The following GPR174 variants were observed in gnomAD, a reference collection of about 807,000 sequenced individuals.
The protein encoded by GPR174 is probable G protein-coupled receptor 174.
GPR174 carries 8 observed loss-of-function variants against 16.5 expected under a neutral mutation model. The ratio of observed to expected loss-of-function variants is 0.48; its 90% CI spans 0.28 to 0.87. The LOEUF (loss-of-function observed/expected upper bound fraction) is 0.87. Ranked by LOEUF, GPR174 falls within the 40% of genes least tolerant of loss-of-function variation. The pLI, the probability that GPR174 is intolerant of heterozygous loss-of-function variation, is 0.09. For missense variants in GPR174, 214 were observed against 247.5 expected (o/e 0.86, Z 0.91); for synonymous variants, 111 against 94.8 (o/e 1.17, Z -0.99).
chrX:79,149,322 A>G (rs370237157), intron 1 of GPR174, among the ~76,000 whole-genome samples: 46 of 109,569 alleles, frequency 4.2e-4, no homozygotes, highest in African/African-American at 1.5e-3. Flanking sequence ...TTTCCCCTTT[A>G]TTTTTATACC....
intron 1 of GPR174, among the ~76,000 whole-genome samples, chrX:79,153,375 G>A (rs1921024353): frequency 8.9e-6 from 1 of 111,752 alleles, no homozygotes; most frequent in South Asian, 3.7e-4. Context: ...TTTTGTCCTA[G>A]CTTGATAGTT....
At chrX:79,157,684 G>T (rs1411036927) in intron 2 of GPR174, among the ~76,000 whole-genome samples, 2 of 111,587 alleles carry the variant, frequency 1.8e-5, no homozygotes, top group Admixed American at 9.5e-5. Context: ...TTTATTGATT[G>T]GTAAGTATCA....
chrX:79,174,020 A>G lies in GPR174; in HGVS notation c.*2011A>G, dbSNP rs1921580490. 1 of 111,721 alleles carries G rather than the reference A, an allele frequency of 9.0e-6. No individual in the cohort carries two copies. The highest frequency in any genetic ancestry group is 3.3e-5 in the African/African-American group (1 of 30,695). The allele number at this position is 111,721 out of a possible 1,213,427, so 9.2% of individuals were successfully genotyped here. On this transcript the variant is annotated 3_prime_UTR_variant, in exon 3 of 3. Transcript: ENST00000645147. ...TATTTTCTAGATTAGCATGAATTAC[A>G]CTTCCTAAGGTCACTTTGGAAGATG...
intron 1 of GPR174, among the ~76,000 whole-genome samples, chrX:79,146,488 G>A (rs888659167): frequency 9.0e-6 from 1 of 111,687 alleles, no homozygotes; most frequent in African/African-American, 3.3e-5. Flanking sequence ...TTCCACCCAC[G>A]GCAAGATTAT....
rs1921569144 is a variant in GPR174 at position 79,173,584 on chromosome X, A to G, written c.*1575A>G. The G allele has an allele frequency of 8.9e-6, 1 of 112,165 alleles. No homozygotes were observed. The highest frequency in any genetic ancestry group is 1.9e-5 in the Non-Finnish European group (1 of 53,200). 9.2% of individuals were successfully genotyped at this position (112,165 alleles called of 1,213,427 possible). ...GTTGTTTTAGGCATACAGTTATGAT[A>G]CTAATACATTAGGGGAAAACTGGTG... is the stretch of plus-strand genomic sequence containing the variant. On this transcript the variant is annotated 3_prime_UTR_variant, in exon 3 of 3. Coordinates refer to ENST00000645147, the MANE Select transcript of GPR174 (RefSeq NM_032553.3).
At chrX:79,154,005 A>G (rs1921037710) in intron 1 of GPR174, among the ~76,000 whole-genome samples, 1 of 111,937 alleles carries the variant, frequency 8.9e-6, no homozygotes. Context: ...AAAATGCTGA[A>G]TCAGTTCTTC....
At chrX:79,160,602 T>C (rs921475283) in intron 2 of GPR174, among the ~76,000 whole-genome samples, 2 of 111,825 alleles carry the variant, frequency 1.8e-5, no homozygotes, top group Non-Finnish European at 3.8e-5. Flanking sequence ...CTACTCATTG[T>C]CTCAGGCTAA....
chrX:79,160,737 A>C (rs183949144), intron 2 of GPR174, among the ~76,000 whole-genome samples: 60 of 112,019 alleles, frequency 5.4e-4, no homozygotes, highest in Middle Eastern at 4.6e-3. Context: ...AACACAAGTT[A>C]AATCAGAATA....
chrX:79,174,568 C>A lies in GPR174; in HGVS notation c.*2559C>A, dbSNP rs1407578590. On this transcript the variant is annotated 3_prime_UTR_variant, in exon 3 of 3. Coordinates refer to ENST00000645147, the MANE Select transcript of GPR174 (RefSeq NM_032553.3). The stretch of plus-strand genomic sequence containing the variant: ...TCCCACAGCACTGCCTTTCATATTG[C>A]ATACAGTAAGCAAACACCTACTTTG... 9.1e-6 allele frequency: 1 copy of A among 109,753 alleles called. No homozygotes were observed. The highest frequency in any genetic ancestry group is 2.9e-4 in the East Asian group (1 of 3,479). The allele number at this position is 109,753 out of a possible 1,213,427, so 9.0% of individuals were successfully genotyped here. A position where few individuals can be genotyped will look rare whatever the true frequency, so the allele number is the denominator to read the frequency against.
rs991372177 is a variant in GPR174, at chrX:79,173,948, G to A, written c.*1939G>A. ...AATTTTGTGGAATTGTGAAATAACT[G>A]TGGGTACTTTTAATGTGAGAGTCTT... On this transcript the variant is annotated 3_prime_UTR_variant, in exon 3 of 3. Transcript: ENST00000645147. The A allele has an allele frequency of 8.9e-6, 1 of 111,892 alleles. No individual in the cohort carries two copies. Among genetic ancestry groups the A allele is most frequent in the Non-Finnish European group, 1.9e-5 (1 of 53,141 alleles). 9.2% of individuals were successfully genotyped at this position (111,892 alleles called of 1,213,427 possible).
chrX:79,163,244 G>A (rs1012952980), intron 2 of GPR174, among the ~76,000 whole-genome samples: 8 of 111,970 alleles, frequency 7.1e-5, no homozygotes, highest in African/African-American at 1.6e-4. Context: ...TCTATTTAAC[G>A]TATTAAAAAG....
intron 2 of GPR174, among the ~76,000 whole-genome samples, chrX:79,168,977 T>C (rs561652060): frequency 1.8e-5 from 2 of 111,415 alleles, no homozygotes; most frequent in South Asian, 3.8e-4. Flanking sequence ...GAAAATACTT[T>C]TGAAACATAA....
intron 2 of GPR174, among the ~76,000 whole-genome samples, chrX:79,166,847 G>A (rs753531630): frequency 1.8e-5 from 2 of 111,738 alleles, no homozygotes; most frequent in East Asian, 5.6e-4. Context: ...CACTTTGGAG[G>A]TGGAAGATTA....
chrX:79,168,396 G>A (rs951543702), intron 2 of GPR174, among the ~76,000 whole-genome samples: 8 of 111,579 alleles, frequency 7.2e-5, no homozygotes, highest in Non-Finnish European at 1.5e-4. Flanking sequence ...CTTGCAATTA[G>A]TGTCTCAAAG....
At chrX:79,153,117 G>A (rs915674518) in intron 1 of GPR174, among the ~76,000 whole-genome samples, 1 of 112,181 alleles carries the variant, frequency 8.9e-6, no homozygotes, top group African/African-American at 3.2e-5. Context: ...ATGCTGTATG[G>A]AATAGTCCAA....
chrX:79,171,938 A>G lies in GPR174; in HGVS notation c.931A>G (p.Ser311Gly). The G allele has an allele frequency of 8.3e-7, 1 of 1,210,246 alleles. No homozygotes were observed. Among genetic ancestry groups the G allele is most frequent in the African/African-American group, 1.7e-5 (1 of 57,789 alleles). Residue 311 changes from serine (S) to glycine (G), a missense_variant, in exon 3 of 3, where the codon AGC (serine) becomes GGC (glycine). Ser to Gly is a moderately conservative substitution (Grantham distance 56). Transcript: ENST00000645147. ...RRLSRQDLHD[S>G]IQLHAKSFVS... is the part of the protein sequence containing the mutation. ...GCTTTCAAGACAAGATTTGCATGAC[A>G]GCATCCAACTCCATGCAAAATCCTT...
intron 2 of GPR174, among the ~76,000 whole-genome samples, chrX:79,159,378 C>A (rs998703883): frequency 9.8e-5 from 11 of 111,847 alleles, no homozygotes; most frequent in African/African-American, 3.6e-4. Context: ...TTATTTTTTC[C>A]TGGATACATT....
At chrX:79,151,072 C>A (rs764313395) in intron 1 of GPR174, among the ~76,000 whole-genome samples, 21 of 110,723 alleles carry the variant, frequency 1.9e-4, no homozygotes, top group African/African-American at 6.9e-4. Context: ...AGTAATAACT[C>A]TAGAAAAAGC....
intron 1 of GPR174, among the ~76,000 whole-genome samples, chrX:79,146,626 T>C (rs1165451839): frequency 1.8e-5 from 2 of 112,332 alleles, no homozygotes; most frequent in East Asian, 5.6e-4. Flanking sequence ...TATATGTTTG[T>C]AATAATATTT....
Sources: allele counts gnomAD v4.1 joint callset (sites outside exome capture counted in the v4.1 genomes callset), GRCh38; gene constraint gnomAD v4.1.1; transcripts MANE v1.5; gene names NCBI Gene and HGNC (gene_info 2026-07-23, HGNC 2026-07-21).